The following BCR variants were observed in gnomAD, a reference collection of about 807,000 sequenced individuals.
The protein encoded by BCR is breakpoint cluster region protein.
BCR carries 58 observed loss-of-function variants against 138.6 expected under a neutral mutation model. That is an observed-to-expected ratio of 0.42 (90% CI 0.34 to 0.52). BCR has a LOEUF of 0.52. Ranked by LOEUF, BCR falls within the 20% of genes least tolerant of loss-of-function variation. The pLI is 0.06. For missense variants in BCR, 1,599 were observed against 1,727.2 expected (o/e 0.93, Z 1.32); for synonymous variants, 786 against 730.1 (o/e 1.08, Z -1.23).
chr22:23,200,040 A>T (rs2072533479), intron 1 of BCR, among the ~76,000 whole-genome samples: 1 of 151,478 alleles, frequency 6.6e-6, no homozygotes, highest in Non-Finnish European at 1.5e-5. Context: ...GTGAGCCAAG[A>T]TCCACCACTG....
intron 17 of BCR, 176 bp downstream of exon 17, chr22:23,309,659 T>C (rs2073987167): frequency 6.6e-6 from 4 of 604,544 alleles, no homozygotes; most frequent in Admixed American, 2.9e-5. Flanking sequence ...TCGTCATTCA[T>C]TGGCTGGAAT....
At position 23,305,165 on chromosome 22, in the gene BCR, T is replaced by TCATAGACTA. The variant is rs1417386734; in HGVS notation, c.3013-4256_3013-4248dup. Among the ~76,000 whole-genome samples, 3 of 150,226 alleles carry TCATAGACTA rather than the reference T, an allele frequency of 2.0e-5. No homozygotes were observed. The East Asian group carries it at 5.9e-4, about 29-fold the overall frequency. ...TGGATCTCAGGAGAGCAGATTGTGG[T>TCATAGACTA]CATAGACTACAGCAGGAGGCCTGTA... On this transcript the variant is annotated intron_variant, in intron 16 of 22. Coordinates refer to ENST00000305877, the MANE Select transcript of BCR (RefSeq NM_004327.4).
chr22:23,262,283 A>G (rs1192925835), intron 4 of BCR, among the ~76,000 whole-genome samples: 1 of 152,122 alleles, frequency 6.6e-6, no homozygotes, highest in African/African-American at 2.4e-5. Flanking sequence ...CTTCTGGACT[A>G]CCGAGACACA....
intron 4 of BCR, among the ~76,000 whole-genome samples, chr22:23,267,543 C>A (rs2073457414): frequency 6.6e-6 from 1 of 152,188 alleles, no homozygotes; most frequent in Non-Finnish European, 1.5e-5. Context: ...AAAACAAACA[C>A]CAGGAGCCGT....
At chr22:23,196,969 C>T (rs916896168) in intron 1 of BCR, among the ~76,000 whole-genome samples, 1 of 152,206 alleles carries the variant, frequency 6.6e-6, no homozygotes, top group Admixed American at 6.5e-5. Flanking sequence ...TCCTTGGATG[C>T]TCAAGTCCTT....
At chr22:23,290,585 G>C (rs2073774639) in intron 14 of BCR, 172 bp downstream of exon 14, 2 of 685,194 alleles carry the variant, frequency 2.9e-6, no homozygotes, top group East Asian at 5.4e-5. Flanking sequence ...TCTGGGTGTG[G>C]AATTGTTTTT....
At position 23,211,756 on chromosome 22, in the gene BCR, C is replaced by T. The variant is rs185592979; in HGVS notation, c.1279+29517C>T. 3.3e-3 allele frequency among the ~76,000 whole-genome samples: 496 copies of T among 151,894 alleles called. 3 individuals carry two copies. Among genetic ancestry groups the T allele is most frequent in the African/African-American group, 0.011 (469 of 41,380 alleles). ...AACTCCTAACCTCAGGTGATCCACC[C>T]GCCTTGGCCTCCCAGAGTGCTGGGA... is the stretch of plus-strand genomic sequence containing the variant. On this transcript the variant is annotated intron_variant, in intron 1 of 22. Transcript: ENST00000305877.
rs144490466 is a variant in BCR, at chr22:23,248,713, C to T, written c.1280-5086C>T. 4.4e-3 allele frequency among the ~76,000 whole-genome samples: 672 copies of T among 152,304 alleles called. 2 individuals carry two copies. Among genetic ancestry groups the T allele is most frequent in the Non-Finnish European group, 6.6e-3 (450 of 68,026 alleles). On this transcript the variant is annotated intron_variant, in intron 1 of 22. Transcript: ENST00000305877. ...GCACTGGACTTCCTCTCCCCAGCCC[C>T]ACTCCTAGTCTGGTTCCTGGTTCAG...
chr22:23,226,722 T>A (rs1385929737), intron 1 of BCR, among the ~76,000 whole-genome samples: 1 of 152,264 alleles, frequency 6.6e-6, no homozygotes, highest in South Asian at 2.1e-4. Flanking sequence ...TTGAGACAGA[T>A]GCCATGTGGC....
At chr22:23,202,128 A>T (rs1212809434) in intron 1 of BCR, among the ~76,000 whole-genome samples, 1 of 152,086 alleles carries the variant, frequency 6.6e-6, no homozygotes, top group Admixed American at 6.6e-5. Context: ...ATTTTAATGA[A>T]TTTTTGTTGG....
chr22:23,301,386 C>T (rs538276930), intron 16 of BCR, among the ~76,000 whole-genome samples: 155 of 152,378 alleles, frequency 1.0e-3, no homozygotes, highest in Middle Eastern at 3.4e-3. Flanking sequence ...TGGTGACTCC[C>T]TCTCTGGCCC....
chr22:23,273,051 A>T, intron 6 of BCR, 30 bp from the exon 7 acceptor site: 1 of 1,607,958 alleles, frequency 6.2e-7, no homozygotes. Context: ...TCCATGTGCA[A>T]CCTCTCTCAC....
At chr22:23,296,647 C>G (rs1465718767) in intron 16 of BCR, among the ~76,000 whole-genome samples, 1 of 152,184 alleles carries the variant, frequency 6.6e-6, no homozygotes, top group Non-Finnish European at 1.5e-5. Context: ...ACTTTGAGAT[C>G]AGGTTTAAAA....
chr22:23,186,646 C>T (rs560813621), intron 1 of BCR, among the ~76,000 whole-genome samples: 5 of 152,270 alleles, frequency 3.3e-5, no homozygotes, highest in East Asian at 1.9e-4. Flanking sequence ...CTGTGGCATT[C>T]GTCTTTTTGT....
Position 23,219,333 on chromosome 22 carries a change from C to T in BCR, c.1280-34466C>T, listed in dbSNP as rs142196606. 3.6e-3 allele frequency among the ~76,000 whole-genome samples: 541 copies of T among 152,266 alleles called. 3 individuals carry two copies. Among genetic ancestry groups the T allele is most frequent in the African/African-American group, 0.012 (506 of 41,548 alleles). ...TTCAAGCTCTGTTCCTTATGTTAGA[C>T]GATGTTGTTTTAGCACAAAGCCTCC... is the stretch of plus-strand genomic sequence containing the variant. On this transcript the variant is annotated intron_variant, in intron 1 of 22. Transcript: ENST00000305877.
Position 23,253,354 on chromosome 22 carries a change from A to G in BCR, c.1280-445A>G, listed in dbSNP as rs1357310716. ...CTTCCCCAGAGAGTTGGGGGTGCCA[A>G]CTCTCTAATCGTGTGGTTGGTTCTC... On this transcript the variant is annotated intron_variant, in intron 1 of 22. Transcript: ENST00000305877. Among the ~76,000 whole-genome samples, 3 of 151,928 alleles carry G rather than the reference A, an allele frequency of 2.0e-5. No homozygotes were observed. The East Asian group carries it at 5.8e-4, about 30-fold the overall frequency.
chr22:23,293,927 C>T (rs1410350679), intron 15 of BCR, among the ~76,000 whole-genome samples: 1 of 152,146 alleles, frequency 6.6e-6, no homozygotes, highest in African/African-American at 2.4e-5. Flanking sequence ...GCAGATTCAC[C>T]AACAGCACCG....
chr22:23,290,479 A>G, intron 14 of BCR, 66 bp downstream of exon 14: 3 of 1,482,232 alleles, frequency 2.0e-6, no homozygotes, highest in Non-Finnish European at 2.8e-6. Context: ...GGAAGGACTC[A>G]TCGGGCAGGG....
At chr22:23,242,734 G>A (rs2073107835) in intron 1 of BCR, 2 of 375,454 alleles carry the variant, frequency 5.3e-6, no homozygotes, top group Non-Finnish European at 1.1e-5. Context: ...CCGAGTTCAG[G>A]CCATGTCTTA....
Sources: allele counts gnomAD v4.1 joint callset (sites outside exome capture counted in the v4.1 genomes callset), GRCh38; gene constraint gnomAD v4.1.1; transcripts MANE v1.5; gene names NCBI Gene and HGNC (gene_info 2026-07-23, HGNC 2026-07-21).